The following ASAP1 variants were observed in gnomAD, a reference collection of about 807,000 sequenced individuals.
ASAP1 encodes the protein ArfGAP with SH3 domain, ankyrin repeat and PH domain 1.
ASAP1 carries 43 observed loss-of-function variants against 145.2 expected under a neutral mutation model. The observed-to-expected ratio is 0.30, with a 90% CI of 0.23 to 0.38. The LOEUF (loss-of-function observed/expected upper bound fraction) is 0.38, where lower values mean the gene tolerates loss of function less well. Ranked by LOEUF, ASAP1 falls within the 10% of genes least tolerant of loss-of-function variation. The pLI is 1.00. For synonymous variants in ASAP1, 546 were observed against 515.5 expected, an observed-to-expected ratio of 1.06 and a Z score of -0.80; for missense variants, 1,018 against 1,355.3, an observed-to-expected ratio of 0.75 and a Z score of 3.91.
chr8:130,104,415 T>C (rs2097533757), intron 24 of ASAP1, among the ~76,000 whole-genome samples: 1 of 152,264 alleles, frequency 6.6e-6, no homozygotes, highest in African/African-American at 2.4e-5. Context: ...TGTTTTTACC[T>C]TTCTCAGCAT....
intron 11 of ASAP1, among the ~76,000 whole-genome samples, chr8:130,163,829 C>T (rs1476114664): frequency 1.3e-5 from 2 of 152,136 alleles, no homozygotes; most frequent in Non-Finnish European, 2.9e-5. Flanking sequence ...AAACAATGAA[C>T]TTAAAATCTT....
At chr8:130,319,036 C>G (rs1823842318) in intron 3 of ASAP1, among the ~76,000 whole-genome samples, 1 of 152,226 alleles carries the variant, frequency 6.6e-6, no homozygotes, top group Non-Finnish European at 1.5e-5. Flanking sequence ...TAAAAGCAGT[C>G]ACTCCTATAA....
chr8:130,219,391 G>A (rs764757874), intron 4 of ASAP1, among the ~76,000 whole-genome samples: 14 of 152,148 alleles, frequency 9.2e-5, no homozygotes, highest in Admixed American at 3.3e-4. Context: ...ACGGCAGAAG[G>A]GAGGAACACA....
chr8:130,236,688 C>T (rs1233407669), intron 4 of ASAP1, among the ~76,000 whole-genome samples: 6 of 152,124 alleles, frequency 3.9e-5, no homozygotes, highest in Non-Finnish European at 5.9e-5. Flanking sequence ...CTATTAAGCA[C>T]TTAAGTGTAC....
rs1220196253 is a variant in ASAP1, at chr8:130,073,035, G to C, written c.2701+3313C>G. 2.0e-5 allele frequency among the ~76,000 whole-genome samples: 3 copies of C among 149,136 alleles called. No homozygotes were observed. In the Admixed American group the frequency reaches 2.0e-4, roughly 10 times the overall value. ...TGAGAGCAGAGGAAAAACACAGTTA[G>C]AGAATTATCCCCCACAGGCATCAAG... is the stretch of plus-strand genomic sequence containing the variant. On this transcript the variant is annotated intron_variant, in intron 27 of 29. Transcript: ENST00000518721.
chr8:130,156,288 C>G (rs2097658095), intron 12 of ASAP1, among the ~76,000 whole-genome samples: 1 of 152,192 alleles, frequency 6.6e-6, no homozygotes, highest in Admixed American at 6.5e-5. Flanking sequence ...ATTTTTTACT[C>G]TTCCACAGAA....
rs905755447 is a variant in ASAP1 at position 130,366,886 on chromosome 8, C to CTTTT, written c.60-8747_60-8744dup. ...TCTAAACAGGTACTATGCTAGATTC[C>CTTTT]TTTTTTTTTTTTTTTTTTTTTTGAG... On this transcript the variant is annotated intron_variant, in intron 2 of 29. Coordinates refer to ENST00000518721, the MANE Select transcript of ASAP1 (RefSeq NM_018482.4). Among the ~76,000 whole-genome samples the CTTTT allele has an allele frequency of 2.2e-4, 22 of 99,194 alleles. 1 individual carries two copies. The highest frequency in any genetic ancestry group is 4.4e-4 in the South Asian group (1 of 2,280). 65.1% of individuals were successfully genotyped at this position (99,194 alleles called of 152,430 possible). A position where few individuals can be genotyped will look rare whatever the true frequency, so the allele number is the denominator to read the frequency against.
intron 24 of ASAP1, among the ~76,000 whole-genome samples, chr8:130,098,215 G>T (rs1483087119): frequency 6.6e-6 from 1 of 152,176 alleles, no homozygotes; most frequent in Non-Finnish European, 1.5e-5. Flanking sequence ...ACCCCATTCT[G>T]TCTGACTCAA....
At chr8:130,275,380 G>A (rs752019925) in intron 3 of ASAP1, among the ~76,000 whole-genome samples, 2 of 152,184 alleles carry the variant, frequency 1.3e-5, no homozygotes, top group Non-Finnish European at 2.9e-5. Flanking sequence ...AGTAATAATG[G>A]CTTTGGGCAG....
chr8:130,128,138 CATTT>C, intron 15 of ASAP1, 48 bp from the exon 16 acceptor site: 3 of 270,126 alleles, frequency 1.1e-5, no homozygotes, highest in South Asian at 1.7e-4. Context: ...AGAGCATGGT[CATTT>C]TTTTTTTTTT....
intron 3 of ASAP1, among the ~76,000 whole-genome samples, chr8:130,354,268 C>T (rs1367056482): frequency 6.6e-6 from 1 of 152,138 alleles, no homozygotes; most frequent in African/African-American, 2.4e-5. Flanking sequence ...CTCTGGGCCT[C>T]AATTTCCTTC....
intron 3 of ASAP1, among the ~76,000 whole-genome samples, chr8:130,310,185 G>A (rs945141168): frequency 4.0e-5 from 6 of 151,804 alleles, no homozygotes; most frequent in Non-Finnish European, 8.8e-5. Context: ...AAGATAGAGG[G>A]ATTAAATGGT....
chr8:130,200,952 A>G (rs549583511), intron 5 of ASAP1, among the ~76,000 whole-genome samples: 1 of 152,350 alleles, frequency 6.6e-6, no homozygotes, highest in South Asian at 2.1e-4. Context: ...GAAATTCTGG[A>G]TCTCTGTCCA....
At chr8:130,314,276 C>T (rs1165150696) in intron 3 of ASAP1, among the ~76,000 whole-genome samples, 3 of 152,086 alleles carry the variant, frequency 2.0e-5, no homozygotes, top group Non-Finnish European at 4.4e-5. Context: ...TTATGATGCT[C>T]TCAAAACATA....
chr8:130,389,708 A>AT (rs1828186099), intron 2 of ASAP1, among the ~76,000 whole-genome samples: 1 of 151,972 alleles, frequency 6.6e-6, no homozygotes, highest in African/African-American at 2.4e-5. Context: ...TTATTTATTT[A>AT]TTTTTTTCCT....
intron 3 of ASAP1, among the ~76,000 whole-genome samples, chr8:130,264,822 G>A (rs948142543): frequency 8.5e-5 from 13 of 152,070 alleles, no homozygotes; most frequent in Admixed American, 2.6e-4. Flanking sequence ...CACTATGTAC[G>A]CAAAGGGGTT....
intron 3 of ASAP1, among the ~76,000 whole-genome samples, chr8:130,257,008 T>A (rs549267749): frequency 2.0e-4 from 30 of 151,854 alleles, no homozygotes; most frequent in African/African-American, 5.5e-4. Flanking sequence ...TTCCCTTTTT[T>A]AAAATTTCCC....
intron 13 of ASAP1, among the ~76,000 whole-genome samples, chr8:130,151,249 T>C (rs891746150): frequency 6.6e-6 from 1 of 151,312 alleles, no homozygotes; most frequent in Non-Finnish European, 1.5e-5. Flanking sequence ...TGGGCGCCTG[T>C]AGTCCCAGCT....
intron 13 of ASAP1, among the ~76,000 whole-genome samples, chr8:130,138,639 C>G (rs909585763): frequency 5.3e-5 from 8 of 152,030 alleles, no homozygotes; most frequent in Non-Finnish European, 7.4e-5. Context: ...GAGTTCCAGA[C>G]CCGCCTGATC....
Sources: allele counts gnomAD v4.1 joint callset (sites outside exome capture counted in the v4.1 genomes callset), GRCh38; gene constraint gnomAD v4.1.1; transcripts MANE v1.5; gene names NCBI Gene and HGNC (gene_info 2026-07-23, HGNC 2026-07-21).